The following PTPRG variants were observed in gnomAD, a reference collection of about 807,000 sequenced individuals.
PTPRG encodes the protein protein tyrosine phosphatase receptor type G, also known as receptor-type tyrosine-protein phosphatase gamma.
Under a neutral mutation model 165.3 loss-of-function variants are expected in PTPRG, and 102 were observed. The observed-to-expected ratio is 0.62, with a 90% CI of 0.53 to 0.73. PTPRG has a LOEUF of 0.73. Ranked by LOEUF, PTPRG falls within the 30% of genes least tolerant of loss-of-function variation. The pLI, the probability that PTPRG is intolerant of heterozygous loss-of-function variation, is 0.00. For missense variants in PTPRG, 1,866 were observed against 1,861.4 expected (o/e 1.00, Z -0.05); for synonymous variants, 675 against 669.5 (o/e 1.01, Z -0.13).
At chr3:61,881,424 C>T (rs540925891) in intron 2 of PTPRG, among the ~76,000 whole-genome samples, 7 of 152,270 alleles carry the variant, frequency 4.6e-5, no homozygotes, top group South Asian at 2.1e-4. Flanking sequence ...GTGAGTCAGA[C>T]GACTGTGAGT....
At chr3:62,141,780 G>A (rs999099427) in intron 6 of PTPRG, among the ~76,000 whole-genome samples, 4 of 150,968 alleles carry the variant, frequency 2.6e-5, no homozygotes, top group African/African-American at 4.9e-5. Flanking sequence ...CTGGTGGTGC[G>A]TGCCTATAAT....
chr3:62,056,834 G>A (rs754402680), intron 4 of PTPRG, among the ~76,000 whole-genome samples: 3 of 152,184 alleles, frequency 2.0e-5, no homozygotes, highest in Non-Finnish European at 4.4e-5. Flanking sequence ...TCTATTTAGG[G>A]TGGTTGCTGG....
chr3:61,606,387 A>G (rs1261661426), intron 1 of PTPRG, among the ~76,000 whole-genome samples: 1 of 152,162 alleles, frequency 6.6e-6, no homozygotes, highest in African/African-American at 2.4e-5. Context: ...GTCTCTTTTA[A>G]AAGACTCACC....
At chr3:61,663,003 G>A (rs1294826880) in intron 1 of PTPRG, among the ~76,000 whole-genome samples, 2 of 152,106 alleles carry the variant, frequency 1.3e-5, no homozygotes, top group African/African-American at 4.8e-5. Context: ...AAAAGAGCAG[G>A]CCAGGTATGG....
rs546301805 is a variant in PTPRG at position 61,697,949 on chromosome 3, C to T, written c.86-50929C>T. Among the ~76,000 whole-genome samples, 6 of 152,258 alleles carry T rather than the reference C, an allele frequency of 3.9e-5. No homozygotes were observed. The East Asian group carries it at 1.2e-3, about 29-fold the overall frequency. ...CAACACCAAGAAGAATTTGAACAAA[C>T]AGTCCTTGCTAATTTCCCCTGCGTT... On this transcript the variant is annotated intron_variant, in intron 1 of 29. Coordinates refer to ENST00000474889, the MANE Select transcript of PTPRG (RefSeq NM_002841.4).
chr3:62,126,187 C>T (rs547726501), intron 5 of PTPRG, among the ~76,000 whole-genome samples: 247 of 152,286 alleles, frequency 1.6e-3, no homozygotes, highest in African/African-American at 5.5e-3. Context: ...TCCAGTAATG[C>T]ACTCCTCCAA....
In PTPRG at chr3:62,254,594, T is replaced by C. The variant is rs140751084; in HGVS notation, c.2468-530T>C. Among the ~76,000 whole-genome samples, 199 of 152,254 alleles carry C rather than the reference T, an allele frequency of 1.3e-3. No individual in the cohort carries two copies. Among genetic ancestry groups the C allele is most frequent in the African/African-American group, 4.5e-3 (185 of 41,548 alleles). On this transcript the variant is annotated intron_variant, in intron 15 of 29. Coordinates refer to ENST00000474889, the MANE Select transcript of PTPRG (RefSeq NM_002841.4). This position sits in a 1 kb window ranked among gnomAD's most constrained non-coding sequence, Gnocchi z 4.6. ...AAAATTTTGAACACTTAAAGATAGA[T>C]GGCATTGTACCCAGAGCCAGCTGGT... is the stretch of plus-strand genomic sequence containing the variant.
chr3:61,740,809 T>C (rs2032949632), intron 1 of PTPRG, among the ~76,000 whole-genome samples: 3 of 152,208 alleles, frequency 2.0e-5, no homozygotes, highest in Admixed American at 6.5e-5. Flanking sequence ...AAAAAACTTT[T>C]TATAGTTGAA....
At chr3:61,662,834 A>G (rs1168747516) in intron 1 of PTPRG, among the ~76,000 whole-genome samples, 2 of 152,126 alleles carry the variant, frequency 1.3e-5, no homozygotes, top group Non-Finnish European at 2.9e-5. Context: ...CTCAACTAAG[A>G]CTTATTGATG....
chr3:61,801,644 G>GCTT (rs918813301), intron 2 of PTPRG, among the ~76,000 whole-genome samples: 6 of 152,218 alleles, frequency 3.9e-5, no homozygotes, highest in South Asian at 2.1e-4. Flanking sequence ...GTTGGGTTCC[G>GCTT]CTTCTCAAGA....
chr3:62,213,994 C>T lies in PTPRG; in HGVS notation c.2156-4857C>T, dbSNP rs927613467. Among the ~76,000 whole-genome samples the T allele has an allele frequency of 2.6e-5, 4 of 151,902 alleles. No homozygotes were observed. Among genetic ancestry groups the T allele is most frequent in the South Asian group, 4.2e-4 (2 of 4,812 alleles). ...GGAGGATCCCTTGAGCCCAGAAGTTCGAGACCAGCCTGGGCAACATATCAA... is the reference window on the plus strand; with the variant it reads ...GGAGGATCCCTTGAGCCCAGAAGTTTGAGACCAGCCTGGGCAACATATCAA... On this transcript the variant is annotated intron_variant, in intron 12 of 29. Coordinates refer to ENST00000474889, the MANE Select transcript of PTPRG (RefSeq NM_002841.4). The surrounding 1 kb of genome is among the most constrained non-coding windows in gnomAD (Gnocchi z 4.4).
At chr3:61,639,483 C>G (rs1010487547) in intron 1 of PTPRG, among the ~76,000 whole-genome samples, 2 of 152,148 alleles carry the variant, frequency 1.3e-5, no homozygotes, top group Admixed American at 6.5e-5. Context: ...AGTGTTAAAT[C>G]TGTACATTGC....
At chr3:61,749,066 T>C in intron 2 of PTPRG, 84 bp downstream of exon 2, 1 of 1,090,376 alleles carries the variant, frequency 9.2e-7, no homozygotes, top group Non-Finnish European at 1.4e-6. Flanking sequence ...TGAATCACTT[T>C]TATGCCTGAG....
chr3:61,638,728 G>A lies in PTPRG; in HGVS notation c.85+76356G>A, dbSNP rs139633332. ...GCTGGGATTACAGGCGTGAGCCACC[G>A]TGCCCAGCCTTGCCATGCCTACTTT... On this transcript the variant is annotated intron_variant, in intron 1 of 29. Transcript: ENST00000474889. Among the ~76,000 whole-genome samples the A allele has an allele frequency of 2.6e-3, 388 of 150,548 alleles. 2 individuals are homozygous for A. Among genetic ancestry groups the A allele is most frequent in the African/African-American group, 8.9e-3 (367 of 41,038 alleles).
chr3:61,721,276 C>T (rs1000318993), intron 1 of PTPRG, among the ~76,000 whole-genome samples: 7 of 152,098 alleles, frequency 4.6e-5, no homozygotes, highest in Admixed American at 3.9e-4. Context: ...AATATAGTAT[C>T]ATCAGTTTTG....
At chr3:61,961,787 T>G (rs1468313289) in intron 2 of PTPRG, among the ~76,000 whole-genome samples, 1 of 152,164 alleles carries the variant, frequency 6.6e-6, no homozygotes, top group Non-Finnish European at 1.5e-5. Context: ...CCCAGGGGAC[T>G]TGTAAGAAAC....
At chr3:62,074,348 CTTTCTTTTT>C (rs779172331) in intron 4 of PTPRG, among the ~76,000 whole-genome samples, 2 of 114,274 alleles carry the variant, frequency 1.8e-5, no homozygotes, top group Admixed American at 9.6e-5. Flanking sequence ...CTTTTCTTTT[CTTTCTTTTT>C]TTTTTTTTTT....
intron 5 of PTPRG, among the ~76,000 whole-genome samples, chr3:62,107,872 A>G (rs528285321): frequency 3.9e-5 from 6 of 152,326 alleles, no homozygotes; most frequent in African/African-American, 1.2e-4. Flanking sequence ...TCAATGCCTT[A>G]TAGACTTTTT....
intron 5 of PTPRG, among the ~76,000 whole-genome samples, chr3:62,105,984 T>G (rs1175961506): frequency 6.6e-6 from 1 of 152,182 alleles, no homozygotes; most frequent in African/African-American, 2.4e-5. Flanking sequence ...CATTAACACA[T>G]TTAGAGATTT....
Sources: allele counts gnomAD v4.1 joint callset (sites outside exome capture counted in the v4.1 genomes callset), GRCh38; gene constraint gnomAD v4.1.1; non-coding constraint Gnocchi (gnomAD v3.1); transcripts MANE v1.5; gene names NCBI Gene and HGNC (gene_info 2026-07-23, HGNC 2026-07-21).